The following DGKI variants were observed in gnomAD, a reference collection of about 807,000 sequenced individuals.
DGKI encodes the protein DAG kinase iota.
In DGKI, 55 loss-of-function variants were observed where a neutral mutation model predicts 147.5. That is an observed-to-expected ratio of 0.37 (90% confidence interval 0.30 to 0.47). DGKI has a LOEUF of 0.47. Among genes scored for constraint, DGKI ranks in the 20% least tolerant of loss-of-function variants. DGKI has a pLI of 1.00. For synonymous variants in DGKI, 469 were observed against 477.1 expected, an observed-to-expected ratio of 0.98 and a Z score of 0.22; for missense variants, 1,007 against 1,323.8, an observed-to-expected ratio of 0.76 and a Z score of 3.71.
chr7:137,620,582 G>A (rs1820712341), intron 7 of DGKI, among the ~76,000 whole-genome samples: 1 of 151,972 alleles, frequency 6.6e-6, no homozygotes. Flanking sequence ...GGGTTTGTCT[G>A]GACTGCTAAA....
intron 1 of DGKI, among the ~76,000 whole-genome samples, chr7:137,806,443 T>C (rs1797365961): frequency 6.6e-6 from 1 of 152,138 alleles, no homozygotes; most frequent in South Asian, 2.1e-4. Flanking sequence ...TTGCTTCTTT[T>C]TTTTTTCTGA....
At chr7:137,715,460 G>A (rs1010827772) in intron 1 of DGKI, among the ~76,000 whole-genome samples, 1 of 152,184 alleles carries the variant, frequency 6.6e-6, no homozygotes, top group African/African-American at 2.4e-5. Flanking sequence ...AGGGTGGAAA[G>A]TTATGAGACC....
At position 137,555,218 on chromosome 7, in the gene DGKI, T is replaced by A. The variant is rs370229027; in HGVS notation, c.1948-2650A>T. ...TGTGAGCCACTGTGCCTGGCCAAAA[T>A]TATTTTCTTTATTAAAAATAAGAAA... On this transcript the variant is annotated intron_variant, in intron 19 of 32. Transcript: ENST00000614521. 4.9e-4 allele frequency among the ~76,000 whole-genome samples: 73 copies of A among 150,140 alleles called. 2 individuals carry two copies. In the East Asian group the frequency reaches 0.013, roughly 28 times the overall value.
intron 6 of DGKI, among the ~76,000 whole-genome samples, chr7:137,630,567 A>G (rs963136484): frequency 2.6e-5 from 4 of 152,230 alleles, no homozygotes; most frequent in Non-Finnish European, 5.9e-5. Context: ...TCTTCATTTC[A>G]GAAGCAGATG....
At chr7:137,704,985 T>C (rs567358955) in intron 1 of DGKI, among the ~76,000 whole-genome samples, 3 of 152,090 alleles carry the variant, frequency 2.0e-5, no homozygotes, top group Non-Finnish European at 4.4e-5. Context: ...AAAAGAAAGA[T>C]AAATATGCCC....
intron 32 of DGKI, 39 bp downstream of exon 32, chr7:137,395,559 G>A (rs752233389): frequency 1.1e-5 from 18 of 1,583,664 alleles, no homozygotes; most frequent in South Asian, 1.0e-4. Context: ...CTGCGATCTC[G>A]CCCAGCGGGA....
intron 1 of DGKI, among the ~76,000 whole-genome samples, chr7:137,787,865 C>T (rs1216240640): frequency 2.0e-5 from 3 of 151,980 alleles, no homozygotes; most frequent in Non-Finnish European, 4.4e-5. Flanking sequence ...ATAAGAATGA[C>T]ACATTGGACT....
At chr7:137,672,994 C>G (rs1347118937) in intron 3 of DGKI, among the ~76,000 whole-genome samples, 1 of 151,942 alleles carries the variant, frequency 6.6e-6, no homozygotes, top group Non-Finnish European at 1.5e-5. Flanking sequence ...GTTAGTCAGG[C>G]TGGTCTTGAA....
intron 24 of DGKI, among the ~76,000 whole-genome samples, chr7:137,469,025 CT>C (rs924329603): frequency 2.0e-5 from 3 of 152,186 alleles, no homozygotes; most frequent in African/African-American, 7.2e-5. Flanking sequence ...AAAAAACGGA[CT>C]CATTAAACAA....
chr7:137,675,223 G>T (rs1822989697), intron 3 of DGKI, among the ~76,000 whole-genome samples: 1 of 148,302 alleles, frequency 6.7e-6, no homozygotes, highest in African/African-American at 2.6e-5. Flanking sequence ...TTGAAACATG[G>T]CCACCCACGT....
intron 28 of DGKI, among the ~76,000 whole-genome samples, chr7:137,436,728 T>C (rs1341780565): frequency 1.3e-5 from 2 of 152,192 alleles, no homozygotes; most frequent in African/African-American, 4.8e-5. Context: ...ATCACACTTA[T>C]GAACATGGAT....
At chr7:137,400,804 T>C (rs940314152) in intron 30 of DGKI, among the ~76,000 whole-genome samples, 5 of 152,188 alleles carry the variant, frequency 3.3e-5, no homozygotes, top group African/African-American at 7.2e-5. Context: ...AATAATCAAT[T>C]TAATTAACTT....
At chr7:137,511,681 T>A (rs1290916647) in intron 21 of DGKI, among the ~76,000 whole-genome samples, 2 of 152,222 alleles carry the variant, frequency 1.3e-5, no homozygotes, top group Non-Finnish European at 2.9e-5. Flanking sequence ...GGGTGGCTCT[T>A]TCTTGGCCTT....
chr7:137,387,345 T>G lies in DGKI; in HGVS notation c.*3875A>C, dbSNP rs1202081909. 2 of 152,156 alleles carry G rather than the reference T, an allele frequency of 1.3e-5. No homozygotes were observed. Among genetic ancestry groups the G allele is most frequent in the Non-Finnish European group, 2.9e-5 (2 of 68,018 alleles). The allele number at this position is 152,156 out of a possible 1,614,324, so 9.4% of individuals were successfully genotyped here. ...GACACAGGTAATAGAAAATGCTAAG[T>G]GCAATTGTAGTAATGCCATAACAGA... On this transcript the variant is annotated 3_prime_UTR_variant, in exon 33 of 33. Transcript: ENST00000614521.
chr7:137,798,918 A>G (rs13243717), intron 1 of DGKI, among the ~76,000 whole-genome samples: 4 of 151,908 alleles, frequency 2.6e-5, no homozygotes, highest in Admixed American at 2.6e-4. Flanking sequence ...ATCTCAATAG[A>G]CATAGAAATA....
intron 1 of DGKI, among the ~76,000 whole-genome samples, chr7:137,842,993 GC>G (rs1798591349): frequency 6.6e-6 from 1 of 152,168 alleles, no homozygotes; most frequent in Non-Finnish European, 1.5e-5. Context: ...GCAGCGTGAT[GC>G]GGTCTAAAGA....
intron 1 of DGKI, among the ~76,000 whole-genome samples, chr7:137,754,554 C>T (rs1795622225): frequency 6.6e-6 from 1 of 152,186 alleles, no homozygotes. Flanking sequence ...ACTGTGCGAC[C>T]TCTGCCACCC....
At chr7:137,505,728 G>T (rs920017310) in intron 21 of DGKI, among the ~76,000 whole-genome samples, 2 of 120,478 alleles carry the variant, frequency 1.7e-5, no homozygotes, top group Non-Finnish European at 3.5e-5. Flanking sequence ...AAAAAAAAAA[G>T]ACTGGTACCC....
intron 1 of DGKI, among the ~76,000 whole-genome samples, chr7:137,752,587 G>C (rs1219279324): frequency 1.3e-5 from 2 of 152,192 alleles, no homozygotes; most frequent in African/African-American, 4.8e-5. Flanking sequence ...TATGTTATCT[G>C]TAGATTCCAG....
Sources: allele counts gnomAD v4.1 joint callset (sites outside exome capture counted in the v4.1 genomes callset), GRCh38; gene constraint gnomAD v4.1.1; transcripts MANE v1.5; gene names NCBI Gene and HGNC (gene_info 2026-07-23, HGNC 2026-07-21).